EZH1: variants seen among roughly 807,000 people sequenced by gnomAD.
EZH1 encodes histone-lysine N-methyltransferase EZH1.
EZH1 carries 33 observed loss-of-function variants against 100.5 expected under a neutral mutation model. That is an observed-to-expected ratio of 0.33 (90% confidence interval 0.25 to 0.44). EZH1 has a LOEUF of 0.44. Among genes scored for constraint, EZH1 ranks in the 20% least tolerant of loss-of-function variants. EZH1 has a pLI of 1.00. For missense variants in EZH1, 475 were observed against 928.4 expected (o/e 0.51, Z 6.35); for synonymous variants, 272 against 313.8 (o/e 0.87, Z 1.41).
Position 42,730,537 on chromosome 17 carries a change from C to G in EZH1, c.-12+291G>C, listed in dbSNP as rs569037375. Among the ~76,000 whole-genome samples, 254 of 125,548 alleles carry G rather than the reference C, an allele frequency of 2.0e-3. 1 individual carries two copies. Among genetic ancestry groups the G allele is most frequent in the African/African-American group, 7.9e-3 (252 of 32,088 alleles). The allele number at this position is 125,548 out of a possible 152,430, so 82.4% of individuals were successfully genotyped here. A position where few individuals can be genotyped will look rare whatever the true frequency, so the allele number is the denominator to read the frequency against. On this transcript the variant is annotated intron_variant, in intron 2 of 20. Transcript: ENST00000428826. ...TTTGAGACGGAGTCTCGCTCTGTCG[C>G]CCAGGCTGGAGTGCAGTGGCGCGAT...
chr17:42,705,904 A>T, intron 16 of EZH1, 103 bp downstream of exon 16: 1 of 1,184,002 alleles, frequency 8.4e-7, no homozygotes, highest in Non-Finnish European at 1.1e-6. Flanking sequence ...AAGCACTTTC[A>T]CATATAAAGC....
chr17:42,739,325 T>C (rs2054131228), intron 1 of EZH1, among the ~76,000 whole-genome samples: 1 of 152,230 alleles, frequency 6.6e-6, no homozygotes, highest in South Asian at 2.1e-4. Flanking sequence ...GTCATTAGTT[T>C]GAGCTTCTGG....
intron 6 of EZH1, among the ~76,000 whole-genome samples, chr17:42,721,022 C>A (rs1231117872): frequency 6.6e-6 from 1 of 152,182 alleles, no homozygotes; most frequent in African/African-American, 2.4e-5. Context: ...GGTTCAAAAT[C>A]TCATGAAAGT....
At chr17:42,741,684 G>T (rs2054178541) in intron 1 of EZH1, among the ~76,000 whole-genome samples, 1 of 152,092 alleles carries the variant, frequency 6.6e-6, no homozygotes, top group South Asian at 2.1e-4. Flanking sequence ...TTAATATTTT[G>T]AATCGGTTTC....
At chr17:42,717,565 T>A (rs1010317772) in intron 10 of EZH1, among the ~76,000 whole-genome samples, 4 of 152,164 alleles carry the variant, frequency 2.6e-5, no homozygotes, top group African/African-American at 7.2e-5. Context: ...CAGGGAACGG[T>A]CCATCTGGTT....
chr17:42,720,137 A>C, intron 7 of EZH1, 136 bp downstream of exon 7: 2 of 793,652 alleles, frequency 2.5e-6, no homozygotes, highest in Non-Finnish European at 1.9e-6. Flanking sequence ...GCTATCACTT[A>C]ATGATCATGT....
At chr17:42,712,087 G>A (rs2053494999) in intron 12 of EZH1, among the ~76,000 whole-genome samples, 2 of 152,178 alleles carry the variant, frequency 1.3e-5, no homozygotes, top group African/African-American at 4.8e-5. Context: ...CAAGGAGGAG[G>A]CGGGTCCCCA....
In EZH1 at chr17:42,720,438, C is replaced by T; in HGVS notation, c.499G>A (p.Gly167Arg). ...ACAGCATCACTAATCAGAACGGATCCAGGGATCATCTCTGAAACATGAGGA... is the reference window on the plus strand; with the variant it reads ...ACAGCATCACTAATCAGAACGGATCTAGGGATCATCTCTGAAACATGAGGA... ...KVHGEEEMIPGSVLISDAVFL... is the reference protein window; with the variant it reads ...KVHGEEEMIPRSVLISDAVFL... The change falls in exon 7 of 21, where the codon GGA (glycine) becomes AGA (arginine). Residue 167 changes from glycine (G) to arginine (R), a missense_variant. Coordinates refer to ENST00000428826, the MANE Select transcript of EZH1 (RefSeq NM_001991.5). 1.1e-5 allele frequency: 18 copies of T among 1,608,444 alleles called. No individual in the cohort carries two copies. The highest frequency in any genetic ancestry group is 1.5e-5 in the Non-Finnish European group (18 of 1,178,224).
chr17:42,744,912 A>G (rs2054252383), intron 1 of EZH1, 99 bp downstream of exon 1: 5 of 1,198,196 alleles, frequency 4.2e-6, no homozygotes, highest in African/African-American at 3.3e-5. Context: ...GATTCCTTCC[A>G]ATTTCCTGAT....
intron 10 of EZH1, chr17:42,714,636 A>C (rs1294594163): frequency 3.3e-6 from 1 of 299,968 alleles, no homozygotes; most frequent in Non-Finnish European, 6.7e-6. Context: ...CAGAGTCAGA[A>C]AGCTCAATTT....
intron 19 of EZH1, 128 bp downstream of exon 19, chr17:42,703,612 C>G (rs887797364): frequency 1.5e-6 from 1 of 678,184 alleles, no homozygotes; most frequent in Non-Finnish European, 2.6e-6. Flanking sequence ...TAAAATGATA[C>G]CAGATATTAA....
rs1294684035 is a variant in EZH1 at position 42,712,397 on chromosome 17, A to C, written c.1293T>G (p.Pro431=). The C allele has an allele frequency of 6.2e-7, 1 of 1,614,202 alleles. No individual in the cohort carries two copies. The highest frequency in any genetic ancestry group is 8.5e-7 in the Non-Finnish European group (1 of 1,180,024). The change falls in exon 12 of 21, where the codon CCT becomes CCG. Residue 431 remains proline (P), a synonymous_variant. Coordinates refer to ENST00000428826, the MANE Select transcript of EZH1 (RefSeq NM_001991.5). ...ATTCTTCAGCCCCAGTCCATTCCAC[A>C]GGCTCCGAGGGTGCTTCCACTACGC... ...QLCVVEAPSE[P]VEWTGAEESL...
intron 1 of EZH1, among the ~76,000 whole-genome samples, chr17:42,734,210 T>C (rs2054018244): frequency 1.3e-5 from 2 of 151,818 alleles, no homozygotes; most frequent in Non-Finnish European, 2.9e-5. Context: ...CGGCCAATTT[T>C]TGTATTTTTA....
chr17:42,726,517 T>C (rs1302089147), intron 4 of EZH1, among the ~76,000 whole-genome samples: 1 of 151,748 alleles, frequency 6.6e-6, no homozygotes, highest in Non-Finnish European at 1.5e-5. Context: ...TCATAAAGTT[T>C]CTTTTTTTTT....
chr17:42,739,085 T>C lies in EZH1; in HGVS notation c.-103+5926A>G, dbSNP rs77201592. On this transcript the variant is annotated intron_variant, in intron 1 of 20. Coordinates refer to ENST00000428826, the MANE Select transcript of EZH1 (RefSeq NM_001991.5). ...GCCTATATTTTTAAATATTTCATCC[T>C]ATTCCTTTTTTGATTCATAGTGTAA... Among the ~76,000 whole-genome samples, 24 of 152,276 alleles carry C rather than the reference T, an allele frequency of 1.6e-4. No homozygotes were observed. The East Asian group carries it at 3.5e-3, about 22-fold the overall frequency.
rs1597840353 is a variant in EZH1 at position 42,718,257 on chromosome 17, A to G, written c.932-190T>C. Reference sequence around the variant, plus strand: ...AAAGCTAAGAGGTACTGAGGGACAGATAAGTTGCTAGTTAGTCTGTCCCTA... The same window carrying G: ...AAAGCTAAGAGGTACTGAGGGACAGGTAAGTTGCTAGTTAGTCTGTCCCTA... On this transcript the variant is annotated intron_variant, in intron 9 of 20. Transcript: ENST00000428826. The surrounding 1 kb of genome is among the most constrained non-coding windows in gnomAD (Gnocchi z 4.2). The G allele has an allele frequency of 1.2e-6, 1 of 841,950 alleles. No homozygotes were observed. The highest frequency in any genetic ancestry group is 1.8e-6 in the Non-Finnish European group (1 of 549,064). 52.2% of individuals were successfully genotyped at this position (841,950 alleles called of 1,614,324 possible). A position where few individuals can be genotyped will look rare whatever the true frequency, so the allele number is the denominator to read the frequency against.
chr17:42,728,910 C>T lies in EZH1; in HGVS notation c.32G>A (p.Cys11Tyr). Residue 11 changes from cysteine (C) to tyrosine (Y), a missense_variant, in exon 3 of 21, where the codon TGT (cysteine) becomes TAT (tyrosine). Transcript: ENST00000428826. The part of the protein sequence containing the change: MEIPNPPTSK[C>Y]ITYWKRKVKS... The stretch of plus-strand genomic sequence containing the variant: ...CACTTTTCTTTTCCAGTAAGTGATA[C>T]ATTTGGAGGTAGGGGGATTTGGTAT... 1.2e-6 allele frequency: 2 copies of T among 1,612,688 alleles called. No individual in the cohort carries two copies. Among genetic ancestry groups the T allele is most frequent in the Non-Finnish European group, 1.7e-6 (2 of 1,179,554 alleles).
At chr17:42,712,730 C>G (rs1026291918) in intron 11 of EZH1, among the ~76,000 whole-genome samples, 10 of 151,510 alleles carry the variant, frequency 6.6e-5, no homozygotes, top group Non-Finnish European at 1.0e-4. Context: ...TGGCGAAACC[C>G]TGTCTCTACT....
Position 42,745,020 on chromosome 17 carries a change from C to A in EZH1, c.-112G>T. Reference sequence around the variant, plus strand: ...TTGTTTACTCACTCACCCTCCATCCCGAGCCGCGGGTCCCGCTGCTAGGAC... The same window carrying A: ...TTGTTTACTCACTCACCCTCCATCCAGAGCCGCGGGTCCCGCTGCTAGGAC... On this transcript the variant is annotated 5_prime_UTR_variant, in exon 1 of 21. Transcript: ENST00000428826. The A allele has an allele frequency of 7.9e-7, 1 of 1,272,466 alleles. No homozygotes were observed. Among genetic ancestry groups the A allele is most frequent in the South Asian group, 1.3e-5 (1 of 78,172 alleles). 78.8% of individuals were successfully genotyped at this position (1,272,466 alleles called of 1,614,324 possible).
Sources: gnomAD v4.1 joint callset for allele counts (sites outside exome capture counted in the v4.1 genomes callset) on GRCh38, gnomAD v4.1.1 for gene constraint, Gnocchi (gnomAD v3.1) non-coding constraint, MANE v1.5 for transcripts, NCBI Gene and HGNC (gene_info 2026-07-23, HGNC 2026-07-21) for gene names.